The following ERCC6L2 variants were observed in gnomAD, a reference collection of about 807,000 sequenced individuals.
The protein encoded by ERCC6L2 is DNA excision repair protein ERCC-6-like 2.
A neutral mutation model predicts 132.0 loss-of-function variants in ERCC6L2; 77 were observed. The ratio of observed to expected loss-of-function variants is 0.58; its 90% CI spans 0.49 to 0.71. The LOEUF is 0.71. ERCC6L2 is among the 30% of genes least tolerant of loss of function. ERCC6L2 has a pLI of 0.00. For missense variants in ERCC6L2, 1,542 were observed against 1,837.6 expected (o/e 0.84, Z 2.94); for synonymous variants, 583 against 632.4 (o/e 0.92, Z 1.17).
intron 18 of ERCC6L2, among the ~76,000 whole-genome samples, chr9:96,010,618 A>T (rs1301028247): frequency 6.6e-6 from 1 of 152,026 alleles, no homozygotes; most frequent in African/African-American, 2.4e-5. Flanking sequence ...ACTCATCATT[A>T]CCTGACTGAC....
chr9:95,981,261 A>G (rs1050022229), intron 17 of ERCC6L2, among the ~76,000 whole-genome samples: 1 of 152,182 alleles, frequency 6.6e-6, no homozygotes, highest in African/African-American at 2.4e-5. Context: ...GTTTTTCCAT[A>G]TACAGTAATT....
downstream of ERCC6L2, among the ~76,000 whole-genome samples, chr9:96,023,435 T>C (rs1834321731): frequency 6.6e-6 from 1 of 152,150 alleles, no homozygotes; most frequent in African/African-American, 2.4e-5. Context: ...GCAGACTGTT[T>C]CCCCCCTAAC....
At chr9:95,996,460 G>C (rs2133175456) in intron 17 of ERCC6L2, among the ~76,000 whole-genome samples, 1 of 152,340 alleles carries the variant, frequency 6.6e-6, no homozygotes, top group East Asian at 1.9e-4. Context: ...CTAAACAATA[G>C]ATTTTCAATG....
chr9:95,970,771 C>G, intron 15 of ERCC6L2, 115 bp downstream of exon 15: 1 of 600,744 alleles, frequency 1.7e-6, no homozygotes, highest in Non-Finnish European at 2.4e-6. Flanking sequence ...AATTAAGAGT[C>G]AAGGACACAA....
In ERCC6L2 at chr9:95,875,863, A is replaced by T; in HGVS notation, c.-176A>T. 2 of 639,780 alleles carry T rather than the reference A, an allele frequency of 3.1e-6. No individual in the cohort carries two copies. Among genetic ancestry groups the T allele is most frequent in the Non-Finnish European group, 5.4e-6 (2 of 368,016 alleles). The allele number at this position is 639,780 out of a possible 1,614,324, so 39.6% of individuals were successfully genotyped here. A position where few individuals can be genotyped will look rare whatever the true frequency, so the allele number is the denominator to read the frequency against. On this transcript the variant is annotated 5_prime_UTR_variant, in exon 1 of 19. Coordinates refer to ENST00000653738, the MANE Select transcript of ERCC6L2 (RefSeq NM_020207.7). ...TTCTGCTTGGGTCCCCTTAGTCGCT[A>T]CCTTTGCTGGGATCCCCCTCCTCCA...
chr9:95,928,253 T>C, intron 10 of ERCC6L2, 103 bp downstream of exon 10: 1 of 692,346 alleles, frequency 1.4e-6, no homozygotes, highest in Non-Finnish European at 2.4e-6. Context: ...CATTTTCTCT[T>C]ATCTACACAG....
intron 3 of ERCC6L2, among the ~76,000 whole-genome samples, chr9:95,900,845 T>C (rs546341258): frequency 3.0e-4 from 45 of 152,222 alleles, no homozygotes; most frequent in Admixed American, 1.6e-3. Flanking sequence ...CAGTTGGATC[T>C]GGAAAGAAAA....
Position 95,875,986 on chromosome 9 carries a change from C to T in ERCC6L2, c.-53C>T, listed in dbSNP as rs1387292228. The T allele has an allele frequency of 7.1e-6, 11 of 1,552,290 alleles. No homozygotes were observed. The highest frequency in any genetic ancestry group is 9.6e-6 in the Non-Finnish European group (11 of 1,148,152). ...GCCGGCCAGCCACCTTGCTGTCCTC[C>T]GCCGCCTTCCGGGTGTTACATGCAG... On this transcript the variant is annotated 5_prime_UTR_variant, in exon 1 of 19. Transcript: ENST00000653738.
intron 6 of ERCC6L2, among the ~76,000 whole-genome samples, chr9:95,920,787 T>A (rs1170986083): frequency 2.0e-5 from 3 of 151,970 alleles, no homozygotes; most frequent in Non-Finnish European, 4.4e-5. Context: ...ATTTTCACTA[T>A]TTTTTTTGAG....
chr9:95,900,906 G>A (rs970952050), intron 3 of ERCC6L2, among the ~76,000 whole-genome samples: 8 of 151,536 alleles, frequency 5.3e-5, no homozygotes, highest in East Asian at 1.9e-4. Flanking sequence ...TTTTCTTAAC[G>A]TCTTCAGTTA....
chr9:95,918,670 C>T, intron 6 of ERCC6L2: 1 of 195,550 alleles, frequency 5.1e-6, no homozygotes, highest in Non-Finnish European at 1.1e-5. Flanking sequence ...GAGGTGGTGG[C>T]TGAAGTGAAG....
At chr9:95,899,582 T>A (rs1009086966) in intron 3 of ERCC6L2, among the ~76,000 whole-genome samples, 9 of 147,468 alleles carry the variant, frequency 6.1e-5, no homozygotes, top group Non-Finnish European at 1.0e-4. Context: ...TTCTTTCTTT[T>A]TTTCTCTTTA....
Position 96,018,370 on chromosome 9 carries a change from T to C in ERCC6L2, c.*5167T>C, listed in dbSNP as rs1370039680. Among the ~76,000 whole-genome samples, 2 of 152,252 alleles carry C rather than the reference T, an allele frequency of 1.3e-5. No homozygotes were observed. The highest frequency in any genetic ancestry group is 1.5e-5 in the Non-Finnish European group (1 of 68,044). On this transcript the variant is annotated 3_prime_UTR_variant, in exon 19 of 19. Transcript: ENST00000653738. ...TATTTTACTTATCAATTTGAAATTA[T>C]ATTGTTTTTATGTTGACACTCCATA...
chr9:96,012,984 C>A lies in ERCC6L2; in HGVS notation c.4434C>A (p.Phe1478Leu), dbSNP rs1294549137. 1 of 1,367,386 alleles carries A rather than the reference C, an allele frequency of 7.3e-7. No individual in the cohort carries two copies. Among genetic ancestry groups the A allele is most frequent in the Admixed American group, 1.9e-5 (1 of 52,526 alleles). The allele number at this position is 1,367,386 out of a possible 1,614,324, so 84.7% of individuals were successfully genotyped here. Residue 1478 changes from phenylalanine (F) to leucine (L), a missense_variant, in exon 19 of 19, where the codon TTC (phenylalanine) becomes TTA (leucine). Phe to Leu is a conservative substitution (Grantham distance 22). Transcript: ENST00000653738. ...AAGCAAAACAGAGACCAAAAGATTT[C>A]TGGGACATCTTGAATGAGCAGAATG... ...MEKAKQRPKD[F>L]WDILNEQNDE... is the part of the protein sequence containing the mutation.
At chr9:96,019,579 G>A (rs607344), downstream of ERCC6L2, among the ~76,000 whole-genome samples, 63,937 of 151,896 alleles carry the variant, frequency 0.42, 13,557 homozygotes, top group Admixed American at 0.47. Context: ...CCTGCCCACT[G>A]TTGCCTGAGG....
chr9:95,881,408 T>C (rs1564190300), intron 2 of ERCC6L2, 115 bp downstream of exon 2: 1 of 763,846 alleles, frequency 1.3e-6, no homozygotes. Flanking sequence ...TTCCTGTGTA[T>C]GTTTGTGTTT....
rs552705060 is a variant in ERCC6L2 at position 95,902,526 on chromosome 9, T to C, written c.595-4552T>C. 2.5e-4 allele frequency among the ~76,000 whole-genome samples: 38 copies of C among 152,306 alleles called. No homozygotes were observed. The East Asian group carries it at 6.9e-3, about 28-fold the overall frequency. ...AAGAGGATTATGTTGCACATGATGC[T>C]ACCGTGAGCATCCTTATGCACAACT... On this transcript the variant is annotated intron_variant, in intron 3 of 18. Transcript: ENST00000653738.
intron 9 of ERCC6L2, among the ~76,000 whole-genome samples, chr9:95,927,168 G>GT (rs1482172796): frequency 1.3e-5 from 2 of 151,860 alleles, no homozygotes; most frequent in Admixed American, 6.6e-5. Context: ...CTGAGTAGAA[G>GT]TTTTTTTTAA....
chr9:96,009,969 G>C (rs1192625577), intron 18 of ERCC6L2, among the ~76,000 whole-genome samples: 2 of 152,288 alleles, frequency 1.3e-5, no homozygotes, highest in East Asian at 3.9e-4. Flanking sequence ...AAAGACATCA[G>C]CTTGTAACCT....
Sources: allele counts gnomAD v4.1 joint callset (sites outside exome capture counted in the v4.1 genomes callset), GRCh38; gene constraint gnomAD v4.1.1; transcripts MANE v1.5; gene names NCBI Gene and HGNC (gene_info 2026-07-23, HGNC 2026-07-21).